Variants in JPH2 observed in about 807,000 individuals in gnomAD.
JPH2 encodes junctophilin-2.
Under a neutral mutation model 55.9 loss-of-function variants are expected in JPH2, and 38 were observed. That is an observed-to-expected ratio of 0.68 (90% CI 0.52 to 0.89). The LOEUF is 0.89. Ranked by LOEUF, JPH2 falls within the 40% of genes least tolerant of loss-of-function variation. The pLI is 0.00. For synonymous variants in JPH2, 480 were observed against 472.4 expected (o/e 1.02, Z -0.21); for missense variants, 964 against 1,037.6 (o/e 0.93, Z 0.97).
At chr20:44,135,293 C>G (rs993868022) in intron 2 of JPH2, among the ~76,000 whole-genome samples, 1 of 152,158 alleles carries the variant, frequency 6.6e-6, no homozygotes, top group Middle Eastern at 3.2e-3. Flanking sequence ...AACTTCATGA[C>G]TTAGCTCCTG....
chr20:44,149,825 A>T (rs1383435673), intron 2 of JPH2, among the ~76,000 whole-genome samples: 1 of 152,168 alleles, frequency 6.6e-6, no homozygotes, highest in Non-Finnish European at 1.5e-5. Flanking sequence ...TAAAAATACA[A>T]AAATTAGCTA....
At chr20:44,131,307 C>T (rs994380274) in intron 2 of JPH2, among the ~76,000 whole-genome samples, 1 of 152,146 alleles carries the variant, frequency 6.6e-6, no homozygotes, top group African/African-American at 2.4e-5. Flanking sequence ...ACCAATACCA[C>T]GTGTTTGAGA....
At chr20:44,135,713 A>G (rs926183350) in intron 2 of JPH2, among the ~76,000 whole-genome samples, 5 of 152,232 alleles carry the variant, frequency 3.3e-5, no homozygotes, top group African/African-American at 1.2e-4. Flanking sequence ...ACGTTTTGTT[A>G]TATGAATCAC....
intron 1 of JPH2, among the ~76,000 whole-genome samples, chr20:44,181,552 T>C (rs541727721): frequency 6.6e-6 from 1 of 152,324 alleles, no homozygotes; most frequent in Admixed American, 6.5e-5. Flanking sequence ...AAGACTGCTG[T>C]TTCCTTTGTA....
chr20:44,116,034 AG>A lies in JPH2; in HGVS notation c.1640del (p.Ala547ValfsTer99). On this transcript the variant is annotated frameshift_variant, in exon 4 of 6. Coordinates refer to ENST00000372980, the MANE Select transcript of JPH2 (RefSeq NM_020433.5). LOFTEE classifies it high-confidence loss of function. ...GCGACGGCGCAGGCGGTGCCTGCAG[AG>A]CCTCGATGGCCATGCGCTCGGTGGC... ...RPATERMAIE[A>X]LQAPPAPSRE... 1 of 1,576,314 alleles carries A rather than the reference AG, an allele frequency of 6.3e-7. No homozygotes were observed. The highest frequency in any genetic ancestry group is 8.5e-7 in the Non-Finnish European group (1 of 1,169,892).
intron 2 of JPH2, among the ~76,000 whole-genome samples, chr20:44,154,973 C>T (rs2072554857): frequency 6.6e-6 from 1 of 151,892 alleles, no homozygotes. Flanking sequence ...CCCAGGCTCA[C>T]TTCCCGGCTG....
intron 2 of JPH2, among the ~76,000 whole-genome samples, chr20:44,146,035 CTTTTT>C (rs769018756): frequency 7.2e-6 from 1 of 138,818 alleles, no homozygotes; most frequent in Non-Finnish European, 1.6e-5. Flanking sequence ...CACCATTGTT[CTTTTT>C]TTTTTTTTTT....
chr20:44,159,720 T>C lies in JPH2; in HGVS notation c.1067A>G (p.Gln356Arg). ...CTGGCGGACCTTGTTGCTCTTGAGC[T>C]GCAGCATGCGGCGCTTGGTGTCCTT... is the stretch of plus-strand genomic sequence containing the variant. ...LVKDTKRRML[Q>R]LKSNKVRQKV... is the part of the protein sequence containing the mutation. Residue 356 changes from glutamine to arginine, a missense_variant, in exon 2 of 6, where the codon CAG becomes CGG. Transcript: ENST00000372980. The surrounding 1 kb of genome is among the most constrained non-coding windows in gnomAD (Gnocchi z 5.7). 1 of 1,613,634 alleles carries C rather than the reference T, an allele frequency of 6.2e-7. No homozygotes were observed. Among genetic ancestry groups the C allele is most frequent in the Non-Finnish European group, 8.5e-7 (1 of 1,179,966 alleles).
At chr20:44,143,029 A>G (rs2072468514) in intron 2 of JPH2, among the ~76,000 whole-genome samples, 1 of 152,186 alleles carries the variant, frequency 6.6e-6, no homozygotes, top group Admixed American at 6.5e-5. Flanking sequence ...TCTGAGGAAG[A>G]AACAGTCAAG....
chr20:44,180,673 A>T (rs2072774388), intron 1 of JPH2, among the ~76,000 whole-genome samples: 1 of 152,122 alleles, frequency 6.6e-6, no homozygotes, highest in African/African-American at 2.4e-5. Flanking sequence ...TTGGGGTGGG[A>T]TTAATAAAGT....
At chr20:44,126,168 G>GGAAGGAACGA (rs1555854537) in intron 2 of JPH2, among the ~76,000 whole-genome samples, 2 of 36,304 alleles carry the variant, frequency 5.5e-5, no homozygotes, top group African/African-American at 2.2e-4. Context: ...GGGAGGGAGG[G>GGAAGGAACGA]AGGAAGGAAG....
chr20:44,132,407 G>C (rs1019611254), intron 2 of JPH2, among the ~76,000 whole-genome samples: 1 of 89,724 alleles, frequency 1.1e-5, no homozygotes, highest in Admixed American at 1.0e-4. Flanking sequence ...CACACATTTG[G>C]GCTGGTTATT....
intron 1 of JPH2, among the ~76,000 whole-genome samples, chr20:44,172,800 A>G (rs1315867770): frequency 6.6e-6 from 1 of 152,144 alleles, no homozygotes; most frequent in East Asian, 1.9e-4. Flanking sequence ...AATAACCCAT[A>G]TTTAATATGA....
intron 1 of JPH2, among the ~76,000 whole-genome samples, chr20:44,168,787 A>G (rs1031635806): frequency 3.3e-5 from 5 of 152,194 alleles, no homozygotes; most frequent in Non-Finnish European, 7.3e-5. Context: ...TGCAAGTGCT[A>G]TGGTTCAGAT....
At chr20:44,134,881 TATATATTA>T (rs1569195789) in intron 2 of JPH2, among the ~76,000 whole-genome samples, 3 of 108,960 alleles carry the variant, frequency 2.8e-5, no homozygotes, top group Non-Finnish European at 5.2e-5. Context: ...TATATTTATA[TATATATTA>T]ATATATATTT....
intron 1 of JPH2, among the ~76,000 whole-genome samples, chr20:44,180,175 G>A (rs920006825): frequency 1.1e-4 from 16 of 152,148 alleles, no homozygotes; most frequent in African/African-American, 2.9e-4. Flanking sequence ...CCAAGATTGC[G>A]CCATTGTACC....
At chr20:44,182,790 A>T (rs1033276446) in intron 1 of JPH2, among the ~76,000 whole-genome samples, 19 of 152,192 alleles carry the variant, frequency 1.2e-4, no homozygotes, top group African/African-American at 4.6e-4. Context: ...TTTCCACTGG[A>T]CAGGGAGCTC....
chr20:44,179,477 G>T (rs538911441), intron 1 of JPH2, among the ~76,000 whole-genome samples: 136 of 152,282 alleles, frequency 8.9e-4, no homozygotes, highest in African/African-American at 2.8e-3. Flanking sequence ...AAGACTTTTA[G>T]CCGGAGTCTG....
At chr20:44,152,025 CAT>C (rs1333557341) in intron 2 of JPH2, among the ~76,000 whole-genome samples, 1 of 152,204 alleles carries the variant, frequency 6.6e-6, no homozygotes, top group Non-Finnish European at 1.5e-5. Flanking sequence ...CCATCAATTT[CAT>C]CTCCTTCCTC....
Sources: allele counts gnomAD v4.1 joint callset (sites outside exome capture counted in the v4.1 genomes callset), GRCh38; gene constraint gnomAD v4.1.1; non-coding constraint Gnocchi (gnomAD v3.1); transcripts MANE v1.5; gene names NCBI Gene and HGNC (gene_info 2026-07-23, HGNC 2026-07-21).